The following ADGRF1 variants were observed in gnomAD, a reference collection of about 807,000 sequenced individuals.
ADGRF1 encodes G protein-coupled receptor 110.
Under a neutral mutation model 87.2 loss-of-function variants are expected in ADGRF1, and 85 were observed. The observed-to-expected ratio is 0.97, with a 90% CI of 0.82 to 1.17. ADGRF1 has a LOEUF of 1.17. Among genes scored for constraint, ADGRF1 ranks in the 50% most tolerant of loss-of-function variants. ADGRF1 has a pLI of 0.00. For synonymous variants in ADGRF1, 430 were observed against 408.8 expected (o/e 1.05, Z -0.63); for missense variants, 1,169 against 1,077.2 (o/e 1.09, Z -1.19).
At chr6:47,007,645 C>G (rs1424403081) in intron 11 of ADGRF1, among the ~76,000 whole-genome samples, 1 of 152,224 alleles carries the variant, frequency 6.6e-6, no homozygotes, top group African/African-American at 2.4e-5. Context: ...CATTTGATGT[C>G]TAAGCATCTA....
chr6:47,027,545 C>T (rs905067528), intron 3 of ADGRF1, among the ~76,000 whole-genome samples, 159 bp downstream of exon 3: 3 of 152,290 alleles, frequency 2.0e-5, no homozygotes, highest in East Asian at 1.9e-4. Context: ...TCTTCACAAA[C>T]GTCTTGCTCA....
chr6:47,022,754 T>C (rs908506582), intron 5 of ADGRF1, among the ~76,000 whole-genome samples: 2 of 152,088 alleles, frequency 1.3e-5, no homozygotes, highest in Non-Finnish European at 2.9e-5. Flanking sequence ...CTTTCAAAGA[T>C]GGATTAGACA....
intron 2 of ADGRF1, among the ~76,000 whole-genome samples, chr6:47,028,588 A>C (rs1163511851): frequency 6.6e-6 from 1 of 152,194 alleles, no homozygotes; most frequent in African/African-American, 2.4e-5. Context: ...AGTCATCAGC[A>C]TGTAGAGAAT....
chr6:47,028,902 G>T (rs568722703), intron 2 of ADGRF1, 91 bp downstream of exon 2: 680 of 926,190 alleles, frequency 7.3e-4, no homozygotes, highest in Non-Finnish European at 1.1e-3. Flanking sequence ...TTATGCAGTT[G>T]CAGTCCCCTA....
Position 47,009,836 on chromosome 6 carries a change from A to G in ADGRF1, c.1599T>C (p.His533=), listed in dbSNP as rs775007924. 1 of 1,614,110 alleles carries G rather than the reference A, an allele frequency of 6.2e-7. No homozygotes were observed. The highest frequency in any genetic ancestry group is 1.1e-5 in the South Asian group (1 of 91,082). Residue 533 remains histidine (H), a synonymous_variant, in exon 11 of 15, where the codon CAT becomes CAC. Transcript: ENST00000371253. The stretch of plus-strand genomic sequence containing the variant: ...AATGACTGAAATCCCAAAACACACA[A>G]TGAGGCTGGCTCAGGTTTGACTCTA... ...SKIESNLSQP[H]CVFWDFSHLQ...
intron 1 of ADGRF1, among the ~76,000 whole-genome samples, chr6:47,038,379 CT>C (rs996543301): frequency 1.4e-4 from 21 of 152,148 alleles, no homozygotes; most frequent in Admixed American, 5.9e-4. Context: ...AGTTTGCCAA[CT>C]ATTTTTCCCA....
intron 1 of ADGRF1, among the ~76,000 whole-genome samples, chr6:47,031,065 T>G (rs1413604367): frequency 6.6e-6 from 1 of 152,084 alleles, no homozygotes; most frequent in Non-Finnish European, 1.5e-5. Flanking sequence ...GCCCGGCCAC[T>G]TTTTCTTCAC....
At chr6:47,013,624 A>G in intron 9 of ADGRF1, 1 of 985,356 alleles carries the variant, frequency 1.0e-6, no homozygotes. Flanking sequence ...TTAATACTTG[A>G]ACCTTCCTAA....
At chr6:47,024,953 A>G (rs1225526928) in intron 4 of ADGRF1, among the ~76,000 whole-genome samples, 1 of 152,224 alleles carries the variant, frequency 6.6e-6, no homozygotes, top group Admixed American at 6.5e-5. Context: ...AAAGGATTCT[A>G]GAGCGTATTT....
At chr6:47,030,527 A>G (rs1156472957) in intron 1 of ADGRF1, among the ~76,000 whole-genome samples, 1 of 150,230 alleles carries the variant, frequency 6.7e-6, no homozygotes, top group Non-Finnish European at 1.5e-5. Flanking sequence ...TGTTTTACAA[A>G]CTTTCTTGAC....
intron 1 of ADGRF1, among the ~76,000 whole-genome samples, chr6:47,036,374 G>A (rs966715434): frequency 7.9e-5 from 12 of 151,998 alleles, no homozygotes; most frequent in African/African-American, 2.7e-4. Context: ...AACTGCACAC[G>A]TACCCCCTGA....
intron 11 of ADGRF1, 76 bp from the exon 12 acceptor site, chr6:47,007,370 A>T: frequency 2.4e-6 from 2 of 826,478 alleles, no homozygotes; most frequent in Non-Finnish European, 4.0e-6. Flanking sequence ...ATGTAACACT[A>T]TTCAATCACC....
intron 1 of ADGRF1, among the ~76,000 whole-genome samples, chr6:47,034,777 C>A (rs1780539770): frequency 6.6e-6 from 1 of 152,132 alleles, no homozygotes; most frequent in Admixed American, 6.5e-5. Context: ...ACTGGTTGTG[C>A]CTTCAGAGTC....
intron 1 of ADGRF1, among the ~76,000 whole-genome samples, chr6:47,040,385 T>A (rs367546153): frequency 0.011 from 1,728 of 152,116 alleles, 42 homozygotes; most frequent in African/African-American, 0.039. Context: ...GGCAGGAGAA[T>A]GGCGTGAACC....
At position 47,000,296 on chromosome 6, in the gene ADGRF1, C is replaced by T. The variant is rs1205738071; in HGVS notation, c.2660-1G>A. ...CCAGTATGAGAAAATGCATAATGGC[C>T]TGAAGGGGAAAAAAAAAGGAAATAA... On this transcript the variant is annotated splice_acceptor_variant, in intron 14 of 14. Transcript: ENST00000371253. LOFTEE classifies it high-confidence loss of function. 3.8e-6 allele frequency: 6 copies of T among 1,584,430 alleles called. 1 individual carries two copies. Among genetic ancestry groups the T allele is most frequent in the South Asian group, 3.4e-5 (3 of 88,030 alleles).
chr6:47,003,656 T>C (rs937861734), intron 13 of ADGRF1, among the ~76,000 whole-genome samples: 1 of 152,208 alleles, frequency 6.6e-6, no homozygotes, highest in Non-Finnish European at 1.5e-5. Flanking sequence ...AATCCATCTA[T>C]GACGTGGAAG....
chr6:47,010,402 A>G lies in ADGRF1; in HGVS notation c.1117-84T>C, dbSNP rs1779671440. 4.5e-6 allele frequency: 5 copies of G among 1,123,522 alleles called. No individual in the cohort carries two copies. In the South Asian group the frequency reaches 8.1e-5, roughly 18 times the overall value. 69.6% of individuals were successfully genotyped at this position (1,123,522 alleles called of 1,614,324 possible). A position where few individuals can be genotyped will look rare whatever the true frequency, so the allele number is the denominator to read the frequency against. On this transcript the variant is annotated intron_variant, in intron 10 of 14. Transcript: ENST00000371253. The stretch of plus-strand genomic sequence containing the variant: ...CAGTGGATAGTCATTAGCATTAAGA[A>G]TAGGAAAAATGCCCAGAGAATTGGC...
intron 9 of ADGRF1, chr6:47,012,719 T>A: frequency 2.0e-6 from 2 of 985,488 alleles, no homozygotes; most frequent in Non-Finnish European, 2.4e-6. Context: ...GAAACATACA[T>A]GGAGATTTGA....
At position 47,000,204 on chromosome 6, in the gene ADGRF1, A is replaced by G; in HGVS notation, c.*18T>C. 1 of 1,594,610 alleles carries G rather than the reference A, an allele frequency of 6.3e-7. No individual in the cohort carries two copies. The highest frequency in any genetic ancestry group is 8.6e-7 in the Non-Finnish European group (1 of 1,166,218). On this transcript the variant is annotated 3_prime_UTR_variant, in exon 15 of 15. Coordinates refer to ENST00000371253, the MANE Select transcript of ADGRF1 (RefSeq NM_153840.4). ...AAGTTGTTCTGGAAATTTTTTCTTG[A>G]TTTTATGATTCCTTGCCTTATTCAT...
Sources: allele counts gnomAD v4.1 joint callset (sites outside exome capture counted in the v4.1 genomes callset), GRCh38; gene constraint gnomAD v4.1.1; transcripts MANE v1.5; gene names NCBI Gene and HGNC (gene_info 2026-07-23, HGNC 2026-07-21).